HDX: variants seen among roughly 807,000 people sequenced by gnomAD.
HDX encodes chromosome X open reading frame 43.
Under a neutral mutation model 45.2 loss-of-function variants are expected in HDX, and 19 were observed. The observed-to-expected ratio is 0.42, with a 90% CI of 0.29 to 0.62. HDX has a LOEUF of 0.62. HDX is among the 20% of genes least tolerant of loss of function. HDX has a pLI of 0.20. For missense variants in HDX, 532 were observed against 493.9 expected, an observed-to-expected ratio of 1.08 and a Z score of -0.73; for synonymous variants, 188 against 172.8, an observed-to-expected ratio of 1.09 and a Z score of -0.69.
intron 3 of HDX, among the ~76,000 whole-genome samples, chrX:84,473,279 GA>G: frequency 1.0e-5 from 1 of 95,526 alleles, no homozygotes; most frequent in Admixed American, 1.3e-4. Flanking sequence ...AAAATGCAAT[GA>G]ATACTATCTT....
At chrX:84,445,882 A>G (rs1269500271) in intron 4 of HDX, among the ~76,000 whole-genome samples, 2 of 111,828 alleles carry the variant, frequency 1.8e-5, no homozygotes, top group Admixed American at 1.9e-4. Context: ...TGGAAAGTTC[A>G]TCTAATTGAA....
chrX:84,452,372 G>T (rs978106833), intron 4 of HDX, among the ~76,000 whole-genome samples: 3 of 109,966 alleles, frequency 2.7e-5, no homozygotes, highest in Non-Finnish European at 5.7e-5. Context: ...TAATAAATTA[G>T]CTGAGGAAAA....
chrX:84,386,785 G>T (rs996545109), intron 5 of HDX, among the ~76,000 whole-genome samples: 3 of 111,693 alleles, frequency 2.7e-5, no homozygotes. Flanking sequence ...TCTTTGCAAA[G>T]AAACAGTCCC....
intron 6 of HDX, among the ~76,000 whole-genome samples, chrX:84,357,313 G>A (rs1036453856): frequency 1.8e-5 from 2 of 111,310 alleles, no homozygotes; most frequent in African/African-American, 6.5e-5. Flanking sequence ...GTGTTGAAAG[G>A]AGACTTAGGC....
At chrX:84,346,269 T>C (rs964374584) in intron 6 of HDX, among the ~76,000 whole-genome samples, 5 of 111,029 alleles carry the variant, frequency 4.5e-5, no homozygotes, top group Non-Finnish European at 9.5e-5. Flanking sequence ...GGAGGATTTC[T>C]TGAACCCAGG....
At chrX:84,329,718 C>A (rs905531202) in intron 9 of HDX, among the ~76,000 whole-genome samples, 2 of 111,618 alleles carry the variant, frequency 1.8e-5, no homozygotes, top group Non-Finnish European at 3.8e-5. Context: ...TAAAGTCTAT[C>A]CCAAAGGGGG....
chrX:84,432,742 T>G (rs961651364), intron 5 of HDX, among the ~76,000 whole-genome samples: 3 of 111,304 alleles, frequency 2.7e-5, no homozygotes, highest in Admixed American at 9.6e-5. Flanking sequence ...ATGGGGTTCT[T>G]TAGGTATAGA....
chrX:84,348,252 A>G (rs771482063), intron 6 of HDX, among the ~76,000 whole-genome samples: 38 of 111,834 alleles, frequency 3.4e-4, no homozygotes, highest in African/African-American at 1.0e-3. Context: ...CCAGTCTGCT[A>G]ATGAGACCAT....
intron 6 of HDX, among the ~76,000 whole-genome samples, chrX:84,354,346 T>C (rs1252091798): frequency 1.8e-5 from 2 of 111,749 alleles, no homozygotes; most frequent in African/African-American, 6.5e-5. Context: ...CAAACTTTTA[T>C]TTTAAATGTA....
intron 7 of HDX, among the ~76,000 whole-genome samples, chrX:84,337,928 C>T (rs1413745975): frequency 9.0e-6 from 1 of 111,060 alleles, no homozygotes; most frequent in Non-Finnish European, 1.9e-5. Context: ...TACCCTCCAC[C>T]AGCCCCTTAA....
intron 7 of HDX, among the ~76,000 whole-genome samples, chrX:84,341,270 C>T (rs2037079114): frequency 9.0e-6 from 1 of 110,991 alleles, no homozygotes; most frequent in African/African-American, 3.3e-5. Flanking sequence ...AAACACTAAC[C>T]AATGACAGAA....
intron 1 of HDX, among the ~76,000 whole-genome samples, chrX:84,493,787 T>A (rs2040943150): frequency 9.0e-6 from 1 of 111,712 alleles, no homozygotes; most frequent in Non-Finnish European, 1.9e-5. Flanking sequence ...GTACCTAGTA[T>A]TTGATAGCAC....
chrX:84,470,154 A>G (rs774988088), intron 3 of HDX, among the ~76,000 whole-genome samples: 1 of 111,561 alleles, frequency 9.0e-6, no homozygotes, highest in African/African-American at 3.3e-5. Context: ...ATTCTTTCTT[A>G]TAAGTTATAT....
chrX:84,465,307 A>T (rs773121128), intron 4 of HDX, among the ~76,000 whole-genome samples: 1 of 112,146 alleles, frequency 8.9e-6, no homozygotes, highest in Non-Finnish European at 1.9e-5. Context: ...TTGAGCTAGC[A>T]ATCCCATTAC....
chrX:84,473,517 A>G (rs1009274489), intron 3 of HDX, among the ~76,000 whole-genome samples: 8 of 111,352 alleles, frequency 7.2e-5, no homozygotes, highest in African/African-American at 1.3e-4. Flanking sequence ...TTCTTGTAAC[A>G]TGTAACATTT....
intron 5 of HDX, among the ~76,000 whole-genome samples, chrX:84,433,127 CT>C: frequency 9.0e-6 from 1 of 111,527 alleles, no homozygotes; most frequent in East Asian, 2.8e-4. Context: ...TTAGGTTGAC[CT>C]TTAACTCTGT....
rs1193120708 is a variant in HDX at position 84,392,134 on chromosome X, G to A, written c.1306-30522C>T. Reference sequence around the variant, plus strand: ...GGTTCACTTTCATTCTTTTGCATACGAATATTTGATTTTCCAAGCACCATT... The same window carrying A: ...GGTTCACTTTCATTCTTTTGCATACAAATATTTGATTTTCCAAGCACCATT... On this transcript the variant is annotated intron_variant, in intron 5 of 10. Coordinates refer to ENST00000373177, the MANE Select transcript of HDX (RefSeq NM_001177479.2). Among the ~76,000 whole-genome samples, 5 of 111,527 alleles carry A rather than the reference G, an allele frequency of 4.5e-5. No individual in the cohort carries two copies. In the Admixed American group the frequency reaches 4.8e-4, roughly 11 times the overall value.
At chrX:84,395,250 C>T (rs1388219162) in intron 5 of HDX, among the ~76,000 whole-genome samples, 1 of 110,481 alleles carries the variant, frequency 9.1e-6, no homozygotes, top group Non-Finnish European at 1.9e-5. Context: ...ATTTCTTGGT[C>T]TGGTCTAGTT....
chrX:84,495,973 C>A (rs1379488426), intron 1 of HDX, among the ~76,000 whole-genome samples: 1 of 111,519 alleles, frequency 9.0e-6, no homozygotes, highest in Non-Finnish European at 1.9e-5. Context: ...CATACCATTC[C>A]CCTTGAGGAT....
Sources: allele counts gnomAD v4.1 joint callset (sites outside exome capture counted in the v4.1 genomes callset), GRCh38; gene constraint gnomAD v4.1.1; transcripts MANE v1.5; gene names NCBI Gene and HGNC (gene_info 2026-07-23, HGNC 2026-07-21).